Variants in PITPNA observed in about 807,000 individuals in gnomAD.
The protein encoded by PITPNA is phosphatidylinositol transfer protein alpha, also known as phosphatidylinositol transfer protein alpha isoform.
PITPNA carries 13 observed loss-of-function variants against 50.3 expected under a neutral mutation model. The observed-to-expected ratio is 0.26, with a 90% CI of 0.17 to 0.41. The LOEUF (loss-of-function observed/expected upper bound fraction) is 0.41, where lower values mean the gene tolerates loss of function less well. Ranked by LOEUF, PITPNA falls within the 10% of genes least tolerant of loss-of-function variation. PITPNA has a pLI of 1.00. For synonymous variants in PITPNA, 120 were observed against 119.6 expected (o/e 1.00, Z -0.02); for missense variants, 207 against 333.4 (o/e 0.62, Z 2.95).
At chr17:1,548,759 G>A (rs1421960529) in intron 3 of PITPNA, among the ~76,000 whole-genome samples, 1 of 152,158 alleles carries the variant, frequency 6.6e-6, no homozygotes, top group Non-Finnish European at 1.5e-5. Context: ...AACCAGTCTC[G>A]GTTTAGGGCC....
intron 6 of PITPNA, among the ~76,000 whole-genome samples, chr17:1,540,619 C>T (rs1294670686): frequency 1.3e-5 from 2 of 151,010 alleles, no homozygotes; most frequent in African/African-American, 4.9e-5. Flanking sequence ...GACAGTGTCT[C>T]GCTCTGTCAC....
In PITPNA at chr17:1,562,452, C is replaced by A; in HGVS notation, c.20+89G>T. On this transcript the variant is annotated intron_variant, in intron 1 of 11. Transcript: ENST00000313486. The surrounding 1 kb of genome is among the most constrained non-coding windows in gnomAD (Gnocchi z 6.4). ...CGTCCCTGCTGCCCCTCCGTCCATC[C>A]GGGCCCTGCGTCCCTCGCCGCGCCG... The A allele has an allele frequency of 8.9e-7, 1 of 1,118,512 alleles. No homozygotes were observed. Among genetic ancestry groups the A allele is most frequent in the South Asian group, 1.7e-5 (1 of 59,120 alleles). The allele number at this position is 1,118,512 out of a possible 1,614,324, so 69.3% of individuals were successfully genotyped here. A position where few individuals can be genotyped will look rare whatever the true frequency, so the allele number is the denominator to read the frequency against.
intron 2 of PITPNA, among the ~76,000 whole-genome samples, chr17:1,558,193 T>C (rs1254991069): frequency 1.5e-5 from 2 of 136,938 alleles, no homozygotes. Flanking sequence ...ATCGCACCAC[T>C]GCACTCCAGC....
chr17:1,523,319 T>C (rs184184018), intron 10 of PITPNA, among the ~76,000 whole-genome samples: 233 of 152,278 alleles, frequency 1.5e-3, no homozygotes, highest in Non-Finnish European at 2.6e-3. Context: ...CCTAAGAGCA[T>C]AGCTGCTAGA....
At chr17:1,527,118 G>A (rs17220733) in intron 10 of PITPNA, among the ~76,000 whole-genome samples, 14,261 of 152,164 alleles carry the variant, frequency 0.094, 835 homozygotes, top group East Asian at 0.14. Flanking sequence ...GGGCCTACAC[G>A]ACATGAGAGA....
At chr17:1,561,421 T>C (rs1448786696) in intron 1 of PITPNA, 1 of 152,058 alleles carries the variant, frequency 6.6e-6, no homozygotes, top group African/African-American at 2.4e-5. Context: ...GACCCCTCAA[T>C]TCCTCAAAGA....
At chr17:1,556,032 T>C (rs1227911402) in intron 2 of PITPNA, among the ~76,000 whole-genome samples, 1 of 152,204 alleles carries the variant, frequency 6.6e-6, no homozygotes, top group African/African-American at 2.4e-5. Flanking sequence ...AGTCATGGCC[T>C]CCAATTTAGG....
chr17:1,525,305 G>C (rs927976535), intron 10 of PITPNA, among the ~76,000 whole-genome samples: 3 of 151,914 alleles, frequency 2.0e-5, no homozygotes, highest in Non-Finnish European at 4.4e-5. Context: ...AATTATTTGA[G>C]ACCCTGTTTC....
intron 10 of PITPNA, among the ~76,000 whole-genome samples, chr17:1,526,326 G>A (rs776957116): frequency 5.9e-5 from 9 of 152,206 alleles, no homozygotes; most frequent in Non-Finnish European, 1.3e-4. Context: ...ACTGAGGAGT[G>A]GCACCAGATG....
At chr17:1,534,472 T>C (rs2075603016) in intron 9 of PITPNA, among the ~76,000 whole-genome samples, 1 of 152,094 alleles carries the variant, frequency 6.6e-6, no homozygotes, top group Non-Finnish European at 1.5e-5. Flanking sequence ...CTAGGCCCTC[T>C]GCCCAAAGCA....
At chr17:1,521,160 T>C (rs2075509209) in intron 11 of PITPNA, among the ~76,000 whole-genome samples, 1 of 152,164 alleles carries the variant, frequency 6.6e-6, no homozygotes, top group Admixed American at 6.5e-5. Flanking sequence ...CAACAGTGGG[T>C]GCTAACAAAA....
chr17:1,561,554 T>C (rs923783929), intron 1 of PITPNA, among the ~76,000 whole-genome samples: 1 of 151,976 alleles, frequency 6.6e-6, no homozygotes, highest in East Asian at 1.9e-4. Context: ...CGGACCAGCC[T>C]CGACCCCGGT....
intron 3 of PITPNA, among the ~76,000 whole-genome samples, chr17:1,552,320 T>G (rs570677142): frequency 6.6e-6 from 1 of 152,346 alleles, no homozygotes; most frequent in African/African-American, 2.4e-5. Context: ...CTAGCTTGGT[T>G]TGACTTCCAC....
intron 10 of PITPNA, among the ~76,000 whole-genome samples, chr17:1,524,033 TTTTTC>T (rs1465492883): frequency 1.6e-5 from 2 of 122,128 alleles, no homozygotes; most frequent in South Asian, 2.6e-4. Flanking sequence ...AGCCTCAGTT[TTTTTC>T]TTTTTTCTTT....
chr17:1,555,002 G>C (rs1364226559), intron 2 of PITPNA, among the ~76,000 whole-genome samples: 2 of 152,188 alleles, frequency 1.3e-5, no homozygotes, highest in Admixed American at 6.5e-5. Context: ...CCCGTCAGGT[G>C]GGTCAGGGCT....
intron 1 of PITPNA, chr17:1,559,859 A>C (rs2075759293): frequency 1.4e-6 from 1 of 728,474 alleles, no homozygotes; most frequent in Non-Finnish European, 1.7e-6. Flanking sequence ...AACTCAAACA[A>C]CATAAATCCT....
chr17:1,535,695 G>A (rs1203831135), intron 7 of PITPNA, 177 bp from the exon 8 acceptor site: 1 of 614,226 alleles, frequency 1.6e-6, no homozygotes, highest in African/African-American at 1.8e-5. Context: ...CCTCAGAGGA[G>A]AGTTCTATGT....
intron 2 of PITPNA, among the ~76,000 whole-genome samples, chr17:1,554,484 TCTCCTGCCTCCTGC>T (rs532259026): frequency 2.7e-5 from 4 of 149,804 alleles, no homozygotes; most frequent in Admixed American, 6.7e-5. Flanking sequence ...TTCAAGTGAT[TCTCCTGCCTCCTGC>T]CTCCTGCCTC....
chr17:1,535,373 C>T (rs2075609670), intron 8 of PITPNA, 68 bp downstream of exon 8: 9 of 1,496,578 alleles, frequency 6.0e-6, no homozygotes, highest in African/African-American at 5.5e-5. Context: ...CAGCCATGCC[C>T]CTCCTCCACA....
Sources: allele counts gnomAD v4.1 joint callset (sites outside exome capture counted in the v4.1 genomes callset), GRCh38; gene constraint gnomAD v4.1.1; non-coding constraint Gnocchi (gnomAD v3.1); transcripts MANE v1.5; gene names NCBI Gene and HGNC (gene_info 2026-07-23, HGNC 2026-07-21).